The following NOL4 variants were observed in gnomAD, a reference collection of about 807,000 sequenced individuals.
NOL4 encodes the protein cancer/testis antigen 125.
NOL4 carries 17 observed loss-of-function variants against 75.9 expected under a neutral mutation model. The ratio of observed to expected loss-of-function variants is 0.22; its 90% CI spans 0.15 to 0.34. The LOEUF is 0.34. NOL4 is among the 10% of genes least tolerant of loss of function. The pLI is 1.00. For synonymous variants in NOL4, 292 were observed against 289.9 expected (o/e 1.01, Z -0.07); for missense variants, 614 against 793.5 (o/e 0.77, Z 2.72).
At chr18:34,064,316 C>T (rs1308052346) in intron 5 of NOL4, among the ~76,000 whole-genome samples, 1 of 151,908 alleles carries the variant, frequency 6.6e-6, no homozygotes, top group Non-Finnish European at 1.5e-5. Flanking sequence ...CAAAGGATTG[C>T]CATCAATACC....
At chr18:33,984,091 A>G (rs2072230417) in intron 6 of NOL4, among the ~76,000 whole-genome samples, 1 of 152,134 alleles carries the variant, frequency 6.6e-6, no homozygotes, top group South Asian at 2.1e-4. Flanking sequence ...CATACCTTAC[A>G]TGTGAGAGGG....
chr18:33,956,611 G>T (rs575139483), intron 8 of NOL4, among the ~76,000 whole-genome samples: 1 of 152,068 alleles, frequency 6.6e-6, no homozygotes, highest in Admixed American at 6.6e-5. Flanking sequence ...AAATGTGTGC[G>T]TTATTTCTAG....
intron 4 of NOL4, among the ~76,000 whole-genome samples, chr18:34,095,251 A>ATGTATGTGTGTGTG (rs139391238): frequency 6.9e-6 from 1 of 144,408 alleles, no homozygotes; most frequent in Non-Finnish European, 1.5e-5. Context: ...TCTAATGTGT[A>ATGTATGTGTGTGTG]TGTGTGTGTG....
rs1163959249 is a variant in NOL4, at chr18:34,049,074, G to GCACA, written c.773-29477_773-29474dup. Among the ~76,000 whole-genome samples the GCACA allele has an allele frequency of 4.0e-3, 262 of 64,778 alleles. 2 individuals are homozygous for GCACA. The highest frequency in any genetic ancestry group is 6.2e-3 in the South Asian group (8 of 1,290). The allele number at this position is 64,778 out of a possible 152,430, so 42.5% of individuals were successfully genotyped here. On this transcript the variant is annotated intron_variant, in intron 5 of 10. Transcript: ENST00000261592. ...ACTTGAAGGTTAGATACAGGCGCGC[G>GCACA]CACACACACACACACACACACACAC...
chr18:34,038,141 T>A (rs1353077619), intron 5 of NOL4, among the ~76,000 whole-genome samples: 5 of 151,994 alleles, frequency 3.3e-5, no homozygotes, highest in Admixed American at 2.6e-4. Flanking sequence ...TATGAAAAAA[T>A]GCTCAACATC....
intron 1 of NOL4, among the ~76,000 whole-genome samples, chr18:34,190,122 A>G (rs1308354527): frequency 6.6e-6 from 1 of 151,636 alleles, no homozygotes; most frequent in Non-Finnish European, 1.5e-5. Flanking sequence ...GCATATAGAT[A>G]GTATCCAAAC....
intron 10 of NOL4, among the ~76,000 whole-genome samples, chr18:33,863,279 G>A (rs1342134188): frequency 6.6e-6 from 1 of 152,090 alleles, no homozygotes. Flanking sequence ...TGTGGGGTAG[G>A]GGAAGGGGGG....
intron 1 of NOL4, among the ~76,000 whole-genome samples, chr18:34,173,146 G>C (rs951789969): frequency 9.2e-5 from 14 of 152,034 alleles, no homozygotes; most frequent in African/African-American, 3.1e-4. Flanking sequence ...CAAGCCAGAT[G>C]CAGAAAGACA....
At chr18:33,927,325 T>C (rs2145360934) in intron 9 of NOL4, among the ~76,000 whole-genome samples, 1 of 152,340 alleles carries the variant, frequency 6.6e-6, no homozygotes, top group Non-Finnish European at 1.5e-5. Flanking sequence ...AAAATAAATG[T>C]AACTTGGGTT....
intron 1 of NOL4, among the ~76,000 whole-genome samples, chr18:34,163,441 C>T (rs993875581): frequency 1.3e-5 from 2 of 151,832 alleles, no homozygotes; most frequent in African/African-American, 2.4e-5. Context: ...TTCTTATACA[C>T]CAACAACAGA....
intron 1 of NOL4, among the ~76,000 whole-genome samples, chr18:34,219,225 G>A (rs1339804805): frequency 6.6e-6 from 1 of 152,034 alleles, no homozygotes; most frequent in Non-Finnish European, 1.5e-5. Context: ...TATAAGAAAG[G>A]CATAATTTAG....
At chr18:34,129,447 A>G (rs2080534145) in intron 2 of NOL4, among the ~76,000 whole-genome samples, 2 of 151,840 alleles carry the variant, frequency 1.3e-5, no homozygotes, top group South Asian at 4.1e-4. Context: ...TATTATTACT[A>G]TGAACTAGAA....
chr18:33,863,008 C>A (rs1413674038), intron 10 of NOL4, among the ~76,000 whole-genome samples: 4 of 152,166 alleles, frequency 2.6e-5, no homozygotes, highest in Admixed American at 6.6e-5. Context: ...ATAGCAAAGA[C>A]TTGGAACCAA....
In NOL4 at chr18:33,862,666, A is replaced by C. The variant is rs574856116; in HGVS notation, c.1724-9631T>G. Among the ~76,000 whole-genome samples, 3 of 152,352 alleles carry C rather than the reference A, an allele frequency of 2.0e-5. No individual in the cohort carries two copies. The South Asian group carries it at 6.2e-4, about 32-fold the overall frequency. ...ATTTATGCAGCCAAAAAACACATGA[A>C]AAAATGCTCACCATCACTGGCCATC... On this transcript the variant is annotated intron_variant, in intron 10 of 10. Coordinates refer to ENST00000261592, the MANE Select transcript of NOL4 (RefSeq NM_003787.5).
intron 9 of NOL4, among the ~76,000 whole-genome samples, chr18:33,918,675 A>C (rs2066865862): frequency 6.6e-6 from 1 of 152,220 alleles, no homozygotes; most frequent in African/African-American, 2.4e-5. Context: ...TTTTTTGAAG[A>C]ATCAGCAAGG....
At chr18:34,212,839 C>G (rs2036603040) in intron 1 of NOL4, among the ~76,000 whole-genome samples, 1 of 152,212 alleles carries the variant, frequency 6.6e-6, no homozygotes, top group African/African-American at 2.4e-5. Flanking sequence ...GAGAGAACTT[C>G]TGCAGCAAGT....
chr18:34,018,862 G>T (rs1377312446), intron 6 of NOL4, among the ~76,000 whole-genome samples: 3 of 152,054 alleles, frequency 2.0e-5, no homozygotes, highest in African/African-American at 7.2e-5. Context: ...TGTCCACAAA[G>T]AAAATTACTG....
chr18:34,130,266 C>T (rs1205794481), intron 1 of NOL4, among the ~76,000 whole-genome samples: 2 of 151,808 alleles, frequency 1.3e-5, no homozygotes, highest in Admixed American at 1.3e-4. Flanking sequence ...CCATCAATTC[C>T]ATCTTTTAAG....
At chr18:34,054,346 A>G (rs2076744783) in intron 5 of NOL4, among the ~76,000 whole-genome samples, 1 of 151,862 alleles carries the variant, frequency 6.6e-6, no homozygotes, top group Admixed American at 6.6e-5. Flanking sequence ...CCTTCCTTCA[A>G]TTCTGCCAAT....
Sources: allele counts gnomAD v4.1 joint callset (sites outside exome capture counted in the v4.1 genomes callset), GRCh38; gene constraint gnomAD v4.1.1; transcripts MANE v1.5; gene names NCBI Gene and HGNC (gene_info 2026-07-23, HGNC 2026-07-21).